The following EHBP1 variants were observed in gnomAD, a reference collection of about 807,000 sequenced individuals.
EHBP1 encodes the protein EH domain binding protein 1, also known as EH domain-binding protein 1.
Under a neutral mutation model 144.0 loss-of-function variants are expected in EHBP1, and 55 were observed. That is an observed-to-expected ratio of 0.38 (90% CI 0.31 to 0.48). EHBP1 has a LOEUF of 0.48. Ranked by LOEUF, EHBP1 falls within the 20% of genes least tolerant of loss-of-function variation. EHBP1 has a pLI of 0.98. For missense variants in EHBP1, 1,200 were observed against 1,364.2 expected (o/e 0.88, Z 1.90); for synonymous variants, 469 against 472.7 (o/e 0.99, Z 0.10).
chr2:62,992,185 G>C (rs2059440382), intron 16 of EHBP1, among the ~76,000 whole-genome samples: 1 of 151,996 alleles, frequency 6.6e-6, no homozygotes, highest in Non-Finnish European at 1.5e-5. Flanking sequence ...AAAAAATTTA[G>C]CTGTGTTTGT....
Position 62,864,809 on chromosome 2 carries a change from T to TGCAGAC in EHBP1, c.837_842dup (p.Gln280_Thr281dup), listed in dbSNP as rs747795506. ...AACAGCTATAATCCCTTTAAAGAGGTGCAGACTCCACAGTATTTGAACCCA... is the reference window on the plus strand; with the variant it reads ...AACAGCTATAATCCCTTTAAAGAGGTGCAGACGCAGACTCCACAGTATTTGAACCCA... On this transcript the variant is annotated inframe_insertion, in exon 9 of 23. Coordinates refer to ENST00000431489, the MANE Select transcript of EHBP1 (RefSeq NM_001142616.3). 12 of 1,613,826 alleles carry TGCAGAC rather than the reference T, an allele frequency of 7.4e-6. No homozygotes were observed. Among genetic ancestry groups the TGCAGAC allele is most frequent in the Non-Finnish European group, 1.0e-5 (12 of 1,179,976 alleles).
chr2:62,908,391 T>C (rs2053959910), intron 10 of EHBP1, among the ~76,000 whole-genome samples: 1 of 152,152 alleles, frequency 6.6e-6, no homozygotes, highest in African/African-American at 2.4e-5. Flanking sequence ...TACTCATCCT[T>C]TCAAGACCTA....
intron 19 of EHBP1, among the ~76,000 whole-genome samples, chr2:63,026,294 TTGTGTGTG>T (rs60109170): frequency 0.032 from 4,144 of 129,034 alleles, 74 homozygotes; most frequent in African/African-American, 0.045. Context: ...GCTCTCTACC[TTGTGTGTG>T]TGTGTGTGTG....
intron 14 of EHBP1, among the ~76,000 whole-genome samples, chr2:62,971,488 C>T (rs1158403489): frequency 6.6e-6 from 1 of 152,128 alleles, no homozygotes; most frequent in Non-Finnish European, 1.5e-5. Flanking sequence ...CCCAAGTATA[C>T]ATAAAGAACT....
chr2:62,776,476 GA>G (rs1354956132), intron 5 of EHBP1, among the ~76,000 whole-genome samples: 1 of 152,194 alleles, frequency 6.6e-6, no homozygotes, highest in Non-Finnish European at 1.5e-5. Context: ...AGAGGACACA[GA>G]AGAATATAAA....
intron 19 of EHBP1, among the ~76,000 whole-genome samples, chr2:63,001,608 T>C (rs1333434977): frequency 6.6e-6 from 1 of 152,176 alleles, no homozygotes; most frequent in Non-Finnish European, 1.5e-5. Flanking sequence ...TACACATATT[T>C]TGTTGTTTCT....
chr2:62,935,740 T>C (rs375734336), intron 10 of EHBP1, among the ~76,000 whole-genome samples: 9 of 152,184 alleles, frequency 5.9e-5, no homozygotes, highest in East Asian at 3.8e-4. Context: ...AAAGTGATGA[T>C]AGATGCTCAA....
intron 19 of EHBP1, among the ~76,000 whole-genome samples, chr2:63,029,107 A>G (rs1335755250): frequency 1.3e-5 from 2 of 151,184 alleles, no homozygotes; most frequent in South Asian, 2.1e-4. Flanking sequence ...TCCATTATCT[A>G]CTTTTTTTTT....
intron 14 of EHBP1, among the ~76,000 whole-genome samples, chr2:62,965,854 T>C (rs1237071208): frequency 6.6e-6 from 1 of 152,206 alleles, no homozygotes; most frequent in Non-Finnish European, 1.5e-5. Flanking sequence ...CAAATTGATA[T>C]TCTGATTTTT....
intron 7 of EHBP1, among the ~76,000 whole-genome samples, chr2:62,846,022 T>C (rs1162392308): frequency 6.6e-6 from 1 of 152,170 alleles, no homozygotes; most frequent in African/African-American, 2.4e-5. Context: ...ACTGACGTCA[T>C]CAGGAATATA....
intron 19 of EHBP1, among the ~76,000 whole-genome samples, chr2:63,008,453 CCT>C (rs2060132675): frequency 6.7e-6 from 1 of 150,240 alleles, no homozygotes; most frequent in Non-Finnish European, 1.5e-5. Context: ...TGCTTTATGC[CCT>C]CTCTAATGAA....
In EHBP1 at chr2:62,707,014, T is replaced by G. The variant is rs1228406114; in HGVS notation, c.-178T>G. On this transcript the variant is annotated 5_prime_UTR_variant, in exon 2 of 23. The change abolishes the stop of an existing upstream ORF in the 5' untranslated region. Coordinates refer to ENST00000431489, the MANE Select transcript of EHBP1 (RefSeq NM_001142616.3). The stretch of plus-strand genomic sequence containing the variant: ...AGTGTTCTTGACTGGGCCATTCATC[T>G]AAGATGGGATTTACCCTGTGAAACA... The G allele has an allele frequency of 1.7e-6, 1 of 574,764 alleles. No individual in the cohort carries two copies. The highest frequency in any genetic ancestry group is 3.1e-6 in the Non-Finnish European group (1 of 318,706). 35.6% of individuals were successfully genotyped at this position (574,764 alleles called of 1,614,324 possible).
intron 19 of EHBP1, among the ~76,000 whole-genome samples, chr2:63,017,632 T>C (rs978279246): frequency 1.3e-4 from 20 of 152,266 alleles, no homozygotes; most frequent in African/African-American, 4.8e-4. Context: ...AATACTTAAA[T>C]TTCTCAACAT....
At position 62,707,126 on chromosome 2, in the gene EHBP1, C is replaced by A; in HGVS notation, c.-66C>A. On this transcript the variant is annotated 5_prime_UTR_variant, in exon 2 of 23. Coordinates refer to ENST00000431489, the MANE Select transcript of EHBP1 (RefSeq NM_001142616.3). ...ACATGCAAAGTTCCTTTGCTTTGGA[C>A]CCTCTGCATTATTAAAGCTGCTGTA... The A allele has an allele frequency of 8.1e-7, 1 of 1,238,404 alleles. No individual in the cohort carries two copies. Among genetic ancestry groups the A allele is most frequent in the Non-Finnish European group, 1.2e-6 (1 of 839,006 alleles). The allele number at this position is 1,238,404 out of a possible 1,614,324, so 76.7% of individuals were successfully genotyped here.
intron 15 of EHBP1, among the ~76,000 whole-genome samples, chr2:62,983,785 G>A (rs1178240935): frequency 2.0e-5 from 3 of 152,190 alleles, no homozygotes; most frequent in Admixed American, 6.5e-5. Flanking sequence ...CAGGTGATCC[G>A]TCTGCCTTAG....
At chr2:63,013,700 A>T in intron 19 of EHBP1, among the ~76,000 whole-genome samples, 1 of 152,230 alleles carries the variant, frequency 6.6e-6, no homozygotes, top group East Asian at 1.9e-4. Flanking sequence ...TGGCGCTAGC[A>T]AAATAAAGAC....
chr2:62,700,250 A>G (rs1405247735), intron 1 of EHBP1, among the ~76,000 whole-genome samples: 1 of 152,234 alleles, frequency 6.6e-6, no homozygotes, highest in Non-Finnish European at 1.5e-5. Flanking sequence ...AGGTTATATA[A>G]CAGGCATAAA....
chr2:62,901,458 T>G (rs1046505850), intron 10 of EHBP1, among the ~76,000 whole-genome samples: 5 of 152,050 alleles, frequency 3.3e-5, no homozygotes, highest in Non-Finnish European at 5.9e-5. Context: ...TTTATTGGAA[T>G]TGGGAACGTT....
chr2:62,925,400 A>C (rs748107335), intron 10 of EHBP1, among the ~76,000 whole-genome samples: 9 of 152,122 alleles, frequency 5.9e-5, no homozygotes, highest in Non-Finnish European at 1.2e-4. Context: ...AAACAAGTCA[A>C]ATTGTCCCTG....
Sources: gnomAD v4.1 joint callset for allele counts (sites outside exome capture counted in the v4.1 genomes callset) on GRCh38, gnomAD v4.1.1 for gene constraint, MANE v1.5 for transcripts, NCBI Gene and HGNC (gene_info 2026-07-23, HGNC 2026-07-21) for gene names.